SPATS2: variants seen among roughly 807,000 people sequenced by gnomAD.
SPATS2 encodes spermatogenesis-associated serine-rich protein 2.
Under a neutral mutation model 63.7 loss-of-function variants are expected in SPATS2, and 38 were observed. The observed-to-expected ratio is 0.60, with a 90% CI of 0.46 to 0.78. SPATS2 has a LOEUF of 0.78. Among genes scored for constraint, SPATS2 ranks in the 30% least tolerant of loss-of-function variants. SPATS2 has a pLI of 0.00. For synonymous variants in SPATS2, 207 were observed against 232.9 expected, an observed-to-expected ratio of 0.89 and a Z score of 1.01; for missense variants, 588 against 666.2, an observed-to-expected ratio of 0.88 and a Z score of 1.29.
At chr12:49,427,605 C>T (rs1945103143) in intron 2 of SPATS2, among the ~76,000 whole-genome samples, 1 of 152,240 alleles carries the variant, frequency 6.6e-6, no homozygotes, top group East Asian at 1.9e-4. Flanking sequence ...GTTTACATTC[C>T]TACCAGAAAT....
chr12:49,391,082 A>AG (rs1271993814), intron 2 of SPATS2, among the ~76,000 whole-genome samples: 1 of 152,068 alleles, frequency 6.6e-6, no homozygotes, highest in African/African-American at 2.4e-5. Context: ...AATTTCAAAA[A>AG]AAAATTCTGG....
intron 1 of SPATS2, among the ~76,000 whole-genome samples, chr12:49,368,910 A>T (rs960731583): frequency 1.3e-5 from 2 of 152,184 alleles, no homozygotes; most frequent in African/African-American, 4.8e-5. Context: ...GGATGGTAGC[A>T]TTTAGGTTAC....
chr12:49,524,720 T>C lies in SPATS2; in HGVS notation c.1150T>C (p.Cys384Arg). Residue 384 changes from cysteine to arginine, a missense_variant, in exon 13 of 14, where the codon TGT becomes CGT. Physicochemically the swap from Cys to Arg is radical, Grantham distance 180. Transcript: ENST00000552918. The stretch of plus-strand genomic sequence containing the variant: ...GAACAGCTATTCGACCAGATCCCGA[T>C]GTAGCTCAGTTACATCTGTGTCCTT... ...PKNSYSTRSR[C>R]SSVTSVSLSS... The C allele has an allele frequency of 6.2e-7, 1 of 1,614,234 alleles. No homozygotes were observed. Among genetic ancestry groups the C allele is most frequent in the Non-Finnish European group, 8.5e-7 (1 of 1,180,042 alleles).
intron 2 of SPATS2, among the ~76,000 whole-genome samples, chr12:49,441,222 C>T (rs1945412846): frequency 6.6e-6 from 1 of 152,180 alleles, no homozygotes; most frequent in Non-Finnish European, 1.5e-5. Context: ...CTCTTCAACT[C>T]TGGCTTGGAT....
At chr12:49,489,752 A>G (rs1299749994) in intron 5 of SPATS2, among the ~76,000 whole-genome samples, 179 bp downstream of exon 5, 7 of 152,236 alleles carry the variant, frequency 4.6e-5, no homozygotes, top group African/African-American at 4.8e-5. Flanking sequence ...TGTGGTGTCT[A>G]TAATAAGAGA....
intron 13 of SPATS2, 57 bp downstream of exon 13, chr12:49,524,953 C>CT: frequency 6.5e-7 from 1 of 1,538,278 alleles, no homozygotes; most frequent in Non-Finnish European, 9.0e-7. Flanking sequence ...ATTGTCAAAG[C>CT]TTAAATGCTG....
At chr12:49,450,623 A>T (rs906034217) in intron 2 of SPATS2, among the ~76,000 whole-genome samples, 2 of 152,046 alleles carry the variant, frequency 1.3e-5, no homozygotes, top group Admixed American at 1.3e-4. Context: ...GGCTCACTGC[A>T]ACCTCTGCCT....
intron 8 of SPATS2, among the ~76,000 whole-genome samples, chr12:49,498,205 AAAAAT>A (rs1946501970): frequency 6.7e-6 from 1 of 148,470 alleles, no homozygotes; most frequent in East Asian, 1.9e-4. Flanking sequence ...GTGGATTCTA[AAAAAT>A]AAAATCAAGT....
At chr12:49,433,533 A>C (rs1194777023) in intron 2 of SPATS2, among the ~76,000 whole-genome samples, 1 of 152,154 alleles carries the variant, frequency 6.6e-6, no homozygotes, top group South Asian at 2.1e-4. Flanking sequence ...GCATTTCTCT[A>C]ATAATGAGTG....
intron 2 of SPATS2, among the ~76,000 whole-genome samples, chr12:49,399,022 T>C (rs1944560609): frequency 6.6e-6 from 1 of 152,220 alleles, no homozygotes; most frequent in Admixed American, 6.5e-5. Context: ...CTTCCTTTTG[T>C]TTTTGTCCTT....
intron 2 of SPATS2, among the ~76,000 whole-genome samples, chr12:49,409,109 C>T (rs1944750094): frequency 6.6e-6 from 1 of 152,094 alleles, no homozygotes; most frequent in Non-Finnish European, 1.5e-5. Context: ...CCAGGTACTT[C>T]TAATGGTGTT....
At chr12:49,408,117 G>A (rs1565707137) in intron 2 of SPATS2, among the ~76,000 whole-genome samples, 1 of 152,170 alleles carries the variant, frequency 6.6e-6, no homozygotes. Context: ...TAAAATCAAG[G>A]ATAATTTGGG....
chr12:49,504,387 A>G (rs1293676057), intron 9 of SPATS2, among the ~76,000 whole-genome samples: 1 of 152,228 alleles, frequency 6.6e-6, no homozygotes, highest in South Asian at 2.1e-4. Flanking sequence ...CTTGTTAATT[A>G]GTAATATTTG....
intron 3 of SPATS2, among the ~76,000 whole-genome samples, chr12:49,474,029 A>T (rs1331596142): frequency 6.6e-6 from 1 of 152,210 alleles, no homozygotes; most frequent in East Asian, 1.9e-4. Flanking sequence ...TGTTTTACTT[A>T]TTCACCTGGG....
intron 2 of SPATS2, among the ~76,000 whole-genome samples, chr12:49,425,851 T>C (rs1945066590): frequency 6.6e-6 from 1 of 152,078 alleles, no homozygotes; most frequent in Non-Finnish European, 1.5e-5. Flanking sequence ...CAGGCTGGTC[T>C]CGAACTCCTG....
intron 3 of SPATS2, among the ~76,000 whole-genome samples, chr12:49,473,465 A>G (rs1164566348): frequency 3.9e-5 from 6 of 152,154 alleles, no homozygotes; most frequent in African/African-American, 1.2e-4. Flanking sequence ...GTGAGAATCT[A>G]AATTGGTACA....
At chr12:49,381,392 C>T (rs1301850933) in intron 2 of SPATS2, among the ~76,000 whole-genome samples, 3 of 152,066 alleles carry the variant, frequency 2.0e-5, no homozygotes, top group Admixed American at 6.6e-5. Flanking sequence ...CCTAGTTTTT[C>T]CAAGTAGGAG....
intron 3 of SPATS2, among the ~76,000 whole-genome samples, chr12:49,474,892 T>C (rs2137775877): frequency 6.6e-6 from 1 of 152,328 alleles, no homozygotes; most frequent in East Asian, 1.9e-4. Flanking sequence ...GGCCTCACAA[T>C]CTTGGCGGAA....
chr12:49,394,475 A>C (rs1435025397), intron 2 of SPATS2, among the ~76,000 whole-genome samples: 1 of 152,028 alleles, frequency 6.6e-6, no homozygotes, highest in Non-Finnish European at 1.5e-5. Flanking sequence ...GAATCTTCTA[A>C]CCTATGACCA....
Sources: gnomAD v4.1 joint callset for allele counts (sites outside exome capture counted in the v4.1 genomes callset) on GRCh38, gnomAD v4.1.1 for gene constraint, MANE v1.5 for transcripts, NCBI Gene and HGNC (gene_info 2026-07-23, HGNC 2026-07-21) for gene names.